The following FANCB variants were observed in gnomAD, a reference collection of about 807,000 sequenced individuals.
FANCB encodes the protein Fanconi anemia group B protein.
Under a neutral mutation model 38.9 loss-of-function variants are expected in FANCB, and 5 were observed. That is an observed-to-expected ratio of 0.13 (90% CI 0.07 to 0.27). The LOEUF (loss-of-function observed/expected upper bound fraction) is 0.27. Among genes scored for constraint, FANCB ranks in the 10% least tolerant of loss-of-function variants. The pLI, the probability that FANCB is intolerant of heterozygous loss-of-function variation, is 1.00. For synonymous variants in FANCB, 236 were observed against 215.4 expected, an observed-to-expected ratio of 1.10 and a Z score of -0.84; for missense variants, 573 against 602.7, an observed-to-expected ratio of 0.95 and a Z score of 0.52.
At chrX:14,792,755 G>A in the FANCB span, among the ~76,000 whole-genome samples, 1 of 111,607 alleles carries the variant, frequency 9.0e-6, no homozygotes, top group African/African-American at 3.2e-5. Flanking sequence ...TACATTGTAA[G>A]ACAATTTTTT....
the FANCB span, among the ~76,000 whole-genome samples, chrX:14,752,835 A>T: frequency 2.7e-5 from 3 of 111,377 alleles, no homozygotes; most frequent in East Asian, 2.8e-4. Flanking sequence ...TTAAAGTTAA[A>T]AAATACAAGA....
chrX:14,742,187 A>G, the FANCB span, among the ~76,000 whole-genome samples: 4 of 111,916 alleles, frequency 3.6e-5, no homozygotes, highest in Non-Finnish European at 7.5e-5. Context: ...ATTACTTAGC[A>G]TGTTAATGTG....
At chrX:14,715,746 C>G in the FANCB span, among the ~76,000 whole-genome samples, 1 of 111,307 alleles carries the variant, frequency 9.0e-6, no homozygotes, top group Non-Finnish European at 1.9e-5. Context: ...GTCATGTAAT[C>G]CTATGAGAGA....
At chrX:14,806,222 G>C in the FANCB span, among the ~76,000 whole-genome samples, 1 of 111,693 alleles carries the variant, frequency 9.0e-6, no homozygotes, top group Admixed American at 9.5e-5. Context: ...AAATGAAAGA[G>C]AGCCCAGTAC....
At chrX:14,755,461 T>A in the FANCB span, among the ~76,000 whole-genome samples, 3 of 111,635 alleles carry the variant, frequency 2.7e-5, no homozygotes, top group Admixed American at 1.9e-4. Context: ...TTGCAGGATA[T>A]AAAACCAACA....
rs2092362703 is a variant in FANCB at position 14,843,728 on chromosome X, C to T, written c.2419G>A (p.Glu807Lys). 8.3e-7 allele frequency: 1 copy of T among 1,209,224 alleles called. No homozygotes were observed. Among genetic ancestry groups the T allele is most frequent in the African/African-American group, 1.8e-5 (1 of 56,970 alleles). The change falls in exon 10 of 10, where the codon GAA becomes AAA. Residue 807 changes from glutamate (E) to lysine (K), a missense_variant. Physicochemically the swap from Glu to Lys is moderately conservative, Grantham distance 56. Coordinates refer to ENST00000650831, the MANE Select transcript of FANCB (RefSeq NM_001018113.3). ...TCTTTTCTGTAGGGATGGATATTTT[C>T]CCTTCTGTCTGATAAAGCAGCCGCG... ...VVAAALSDRRENIHPYRKELQ... is the reference protein window; with the variant it reads ...VVAAALSDRRKNIHPYRKELQ...
the FANCB span, among the ~76,000 whole-genome samples, chrX:14,821,889 GT>G: frequency 8.9e-6 from 1 of 111,784 alleles, no homozygotes; most frequent in Non-Finnish European, 1.9e-5. Flanking sequence ...CTGGCATTTT[GT>G]TTTCTTCCTC....
At chrX:14,715,582 G>A in the FANCB span, among the ~76,000 whole-genome samples, 16 of 111,626 alleles carry the variant, frequency 1.4e-4, no homozygotes, top group African/African-American at 4.2e-4. Context: ...ACTACAGGAG[G>A]TAAGGAGGAA....
chrX:14,823,056 C>G, the FANCB span, among the ~76,000 whole-genome samples: 1 of 97,874 alleles, frequency 1.0e-5, no homozygotes, highest in African/African-American at 3.7e-5. Flanking sequence ...TGTTTGCGTA[C>G]TATATTTTTG....
chrX:14,847,947 T>A (rs185670678), intron 7 of FANCB, among the ~76,000 whole-genome samples: 4 of 111,955 alleles, frequency 3.6e-5, no homozygotes, highest in East Asian at 2.8e-4. Flanking sequence ...GAACAACTTA[T>A]GCTAATAAAT....
Position 14,859,242 on chromosome X carries a change from G to A in FANCB, c.1044C>T (p.Ser348=). 5 of 1,183,190 alleles carry A rather than the reference G, an allele frequency of 4.2e-6. No homozygotes were observed. Among genetic ancestry groups the A allele is most frequent in the Non-Finnish European group, 5.7e-6 (5 of 870,124 alleles). Reference sequence around the variant, plus strand: ...ATGAAGTCAGGCAGTCTGAGTTCAAGGAGTCCTTAAAAAGTAGGAGTACTT... The same window carrying A: ...ATGAAGTCAGGCAGTCTGAGTTCAAAGAGTCCTTAAAAAGTAGGAGTACTT... The part of the protein sequence containing the change: ...TEQVLLLFKD[S]LNSDCLTSFK... The change falls in exon 4 of 10, where the codon TCC becomes TCT. Residue 348 remains serine, a synonymous_variant. Coordinates refer to ENST00000650831, the MANE Select transcript of FANCB (RefSeq NM_001018113.3).
chrX:14,767,591 G>A, the FANCB span, among the ~76,000 whole-genome samples: 1 of 110,215 alleles, frequency 9.1e-6, no homozygotes, highest in Non-Finnish European at 1.9e-5. Context: ...TTAGACCTTT[G>A]TCAGATGGAG....
chrX:14,864,142 AT>A (rs1406570183), intron 3 of FANCB, among the ~76,000 whole-genome samples: 4 of 111,289 alleles, frequency 3.6e-5, no homozygotes, highest in Non-Finnish European at 5.7e-5. Flanking sequence ...CTCAAAAAAA[AT>A]ATAAAAAAAT....
chrX:14,720,189 T>G, the FANCB span, among the ~76,000 whole-genome samples: 1 of 111,717 alleles, frequency 9.0e-6, no homozygotes, highest in Non-Finnish European at 1.9e-5. Context: ...GGATTTTGAA[T>G]GTTATCAACA....
downstream of FANCB, among the ~76,000 whole-genome samples, chrX:14,832,780 CAT>C (rs1357074143): frequency 8.9e-6 from 1 of 111,933 alleles, no homozygotes; most frequent in Non-Finnish European, 1.9e-5. Context: ...CCTTCCATAA[CAT>C]GTGGGGGGCC....
At chrX:14,806,961 T>A in the FANCB span, among the ~76,000 whole-genome samples, 394 of 111,508 alleles carry the variant, frequency 3.5e-3, 2 homozygotes, top group African/African-American at 0.013. Context: ...TTCCAATGGC[T>A]CAGATAAATA....
the FANCB span, among the ~76,000 whole-genome samples, chrX:14,816,299 G>T: frequency 8.9e-6 from 1 of 111,866 alleles, no homozygotes; most frequent in Non-Finnish European, 1.9e-5. Flanking sequence ...AATTTTACTT[G>T]TAGGCAAAGA....
At chrX:14,700,060 T>C in the FANCB span, among the ~76,000 whole-genome samples, 1 of 110,810 alleles carries the variant, frequency 9.0e-6, no homozygotes, top group Non-Finnish European at 1.9e-5. Context: ...AAATAATCTG[T>C]ACAATAATCT....
At chrX:14,691,613 C>T in the FANCB span, among the ~76,000 whole-genome samples, 3 of 111,276 alleles carry the variant, frequency 2.7e-5, no homozygotes, top group Non-Finnish European at 5.7e-5. Flanking sequence ...TTAGACACAC[C>T]TTACACCAAC....
Sources: allele counts gnomAD v4.1 joint callset (sites outside exome capture counted in the v4.1 genomes callset), GRCh38; gene constraint gnomAD v4.1.1; transcripts MANE v1.5; gene names NCBI Gene and HGNC (gene_info 2026-07-23, HGNC 2026-07-21).